The following PLEKHG3 variants were observed in gnomAD, a reference collection of about 807,000 sequenced individuals.
PLEKHG3 encodes the protein pleckstrin homology domain-containing family G member 3.
Under a neutral mutation model 94.9 loss-of-function variants are expected in PLEKHG3, and 62 were observed. The observed-to-expected ratio is 0.65, with a 90% CI of 0.53 to 0.81. PLEKHG3 has a LOEUF of 0.81. Ranked by LOEUF, PLEKHG3 falls within the 30% of genes least tolerant of loss-of-function variation. The pLI is 0.00. For missense variants in PLEKHG3, 1,461 were observed against 1,619.3 expected (o/e 0.90, Z 1.68); for synonymous variants, 614 against 654.0 (o/e 0.94, Z 0.93).
In PLEKHG3 at chr14:64,749,826, A is replaced by G. The variant is rs2081916409; in HGVS notation, c.*6123A>G. ...CTCTCAGGCAGCCCAGCACTTTCTG[A>G]GAGGTCAAAGTCTGGACCATCAGCC... On this transcript the variant is annotated 3_prime_UTR_variant, in exon 17 of 17. Coordinates refer to ENST00000247226, the MANE Select transcript of PLEKHG3 (RefSeq NM_001308147.2). This position sits in a 1 kb window ranked among gnomAD's most constrained non-coding sequence, Gnocchi z 4.7. The G allele has an allele frequency of 1.3e-6, 2 of 1,483,216 alleles. No individual in the cohort carries two copies. Among genetic ancestry groups the G allele is most frequent in the Non-Finnish European group, 1.9e-6 (2 of 1,075,244 alleles). 91.9% of individuals were successfully genotyped at this position (1,483,216 alleles called of 1,614,324 possible).
chr14:64,727,509 T>TGCCCCCCCCCCA lies in PLEKHG3; in HGVS notation c.-39-78_-39-77insCCCCCAGCCCCC. 3.0e-6 allele frequency: 1 copy of TGCCCCCCCCCCA among 336,210 alleles called. No individual in the cohort carries two copies. The highest frequency in any genetic ancestry group is 4.2e-5 in the Admixed American group (1 of 23,910). The allele number at this position is 336,210 out of a possible 1,614,324, so 20.8% of individuals were successfully genotyped here. On this transcript the variant is annotated intron_variant, in intron 1 of 16. Coordinates refer to ENST00000247226, the MANE Select transcript of PLEKHG3 (RefSeq NM_001308147.2). The surrounding 1 kb of genome is among the most constrained non-coding windows in gnomAD (Gnocchi z 6.0). Reference sequence around the variant, plus strand: ...CTAAATAATACCTTCCCACCCCACCTGCCCCCACCCCTGGCAACCGTCCCT... The same window carrying TGCCCCCCCCCCA: ...CTAAATAATACCTTCCCACCCCACCTGCCCCCCCCCCAGCCCCCACCCCTGGCAACCGTCCCT...
At chr14:64,740,170 AG>A (rs1224935272) in intron 15 of PLEKHG3, among the ~76,000 whole-genome samples, 1 of 152,210 alleles carries the variant, frequency 6.6e-6, no homozygotes, top group Admixed American at 6.5e-5. Context: ...TCGGGTGCTC[AG>A]AAAGCCACAG....
chr14:64,747,118 C>T lies in PLEKHG3; in HGVS notation c.*3415C>T, dbSNP rs756251916. The T allele has an allele frequency of 2.0e-5, 3 of 152,556 alleles. No homozygotes were observed. The highest frequency in any genetic ancestry group is 4.8e-5 in the African/African-American group (2 of 41,446). The allele number at this position is 152,556 out of a possible 1,614,324, so 9.5% of individuals were successfully genotyped here. A position where few individuals can be genotyped will look rare whatever the true frequency, so the allele number is the denominator to read the frequency against. The stretch of plus-strand genomic sequence containing the variant: ...CTGGGGTGGTGAGATGCTAGCTCTT[C>T]CACTAGAGCCCTTCCTTTCTCGGGT... On this transcript the variant is annotated 3_prime_UTR_variant, in exon 17 of 17. Transcript: ENST00000247226.
At chr14:64,709,314 G>A (rs2081029882) in intron 1 of PLEKHG3, among the ~76,000 whole-genome samples, 2 of 152,194 alleles carry the variant, frequency 1.3e-5, no homozygotes, top group Admixed American at 1.3e-4. Context: ...TGTTAGGGTC[G>A]AGTCCAGCCC....
At position 64,727,867 on chromosome 14, in the gene PLEKHG3, A is replaced by G. The variant is rs1475566187; in HGVS notation, c.236A>G (p.Asn79Ser). Residue 79 changes from asparagine (N) to serine (S), a missense_variant, in exon 2 of 17, where the codon AAC becomes AGC. Physicochemically the swap from Asn to Ser is conservative, Grantham distance 46 (BLOSUM62 1). This residue lies in a region of PLEKHG3 where 253 missense variants were observed against 297.8 expected (regional missense o/e 0.85). Transcript: ENST00000247226. The surrounding 1 kb of genome is among the most constrained non-coding windows in gnomAD (Gnocchi z 6.0). ...LNVKGPLSPF[N>S]SRAAAGPAHH... ...GTGAAGGGGCCCCTCTCCCCGTTCA[A>G]CAGCCGGGCAGCGGCAGGGCCTGCA... 3.7e-6 allele frequency: 6 copies of G among 1,613,364 alleles called. No homozygotes were observed. The highest frequency in any genetic ancestry group is 5.1e-6 in the Non-Finnish European group (6 of 1,179,564).
rs77740829 is a variant in PLEKHG3, at chr14:64,750,243, C to T, written c.*6540C>T. ...ATAGCTTCACCATTAAAAAAAATTA[C>T]ACCATGTTTGTTCTGATACATAGTA... On this transcript the variant is annotated 3_prime_UTR_variant, in exon 17 of 17. Transcript: ENST00000247226. The T allele has an allele frequency of 5.9e-5, 80 of 1,358,650 alleles. No homozygotes were observed. The highest frequency in any genetic ancestry group is 7.7e-5 in the Non-Finnish European group (77 of 994,730). The allele number at this position is 1,358,650 out of a possible 1,614,324, so 84.2% of individuals were successfully genotyped here.
rs2081284656 is a variant in PLEKHG3 at position 64,722,746 on chromosome 14, A to G, written c.-39-4847A>G. On this transcript the variant is annotated intron_variant, in intron 1 of 16. Transcript: ENST00000247226. The surrounding 1 kb of genome is among the most constrained non-coding windows in gnomAD (Gnocchi z 4.3). The stretch of plus-strand genomic sequence containing the variant: ...TTCTGGGGAGTCTGGTGTGCCCACC[A>G]GAGGGTTCACCCCCAAGTGTCCTCT... 6.6e-6 allele frequency among the ~76,000 whole-genome samples: 1 copy of G among 152,182 alleles called. No individual in the cohort carries two copies.
chr14:64,711,499 C>A (rs1265529093), intron 1 of PLEKHG3, among the ~76,000 whole-genome samples: 2 of 151,898 alleles, frequency 1.3e-5, no homozygotes, highest in African/African-American at 4.8e-5. Flanking sequence ...CTGCAAGCTC[C>A]GTCTCCCGTG....
In PLEKHG3 at chr14:64,716,494, ACAACAC is replaced by A. The variant is rs2081159812; in HGVS notation, c.-39-11098_-39-11093del. On this transcript the variant is annotated intron_variant, in intron 1 of 16. Transcript: ENST00000247226. The surrounding 1 kb of genome is among the most constrained non-coding windows in gnomAD (Gnocchi z 5.0). ...ACACACACACACAACACACACACAC[ACAACAC>A]ACACACACACACACACACACACACA... Among the ~76,000 whole-genome samples, 6 of 83,256 alleles carry A rather than the reference ACAACAC, an allele frequency of 7.2e-5. No individual in the cohort carries two copies. In the South Asian group the frequency reaches 1.8e-3, roughly 24 times the overall value. The allele number at this position is 83,256 out of a possible 152,430, so 54.6% of individuals were successfully genotyped here.
At position 64,743,629 on chromosome 14, in the gene PLEKHG3, C is replaced by T. The variant is rs749328015; in HGVS notation, c.3586C>T (p.Pro1196Ser). 9.9e-6 allele frequency: 16 copies of T among 1,611,826 alleles called. No homozygotes were observed. In the Admixed American group the frequency reaches 1.3e-4, roughly 13 times the overall value. Residue 1196 changes from proline to serine, a missense_variant, in exon 17 of 17, where the codon CCG (proline) becomes TCG (serine). This residue lies in a region of PLEKHG3 where 1,201 missense variants were observed against 1,295.5 expected (regional missense o/e 0.93). Coordinates refer to ENST00000247226, the MANE Select transcript of PLEKHG3 (RefSeq NM_001308147.2). The surrounding 1 kb of genome is among the most constrained non-coding windows in gnomAD (Gnocchi z 7.2). The stretch of plus-strand genomic sequence containing the variant: ...GCCGAAGGAAGAGGGTTCCAGGGAC[C>T]CGGCAGACCCGAGCCAGCAGGGCAG... ...CQPKEEGSRD[P>S]ADPSQQGRVR... is the part of the protein sequence containing the mutation.
At chr14:64,710,627 C>T (rs768728392) in intron 1 of PLEKHG3, among the ~76,000 whole-genome samples, 7 of 151,994 alleles carry the variant, frequency 4.6e-5, no homozygotes, top group African/African-American at 1.4e-4. Context: ...GCCGAGATTG[C>T]GCCATTGCAC....
At position 64,732,908 on chromosome 14, in the gene PLEKHG3, GA is replaced by G; in HGVS notation, c.1345+9del. 6.4e-7 allele frequency: 1 copy of G among 1,574,358 alleles called. No individual in the cohort carries two copies. The highest frequency in any genetic ancestry group is 1.7e-5 in the Admixed American group (1 of 57,164). ...CAGGGGCGCCGGCAATCTGGTAAGA[GA>G]AGGGCTGTGGAGGCAGGAGGCCTCT... On this transcript the variant is annotated splice_region_variant and intron_variant, in intron 12 of 16. Transcript: ENST00000247226. The surrounding 1 kb of genome is among the most constrained non-coding windows in gnomAD (Gnocchi z 4.9).
Position 64,742,300 on chromosome 14 carries a change from A to G in PLEKHG3, c.2783A>G (p.Gln928Arg), listed in dbSNP as rs2081717711. ...VSERVKNKVYQLARQYSLRIK... is the reference protein window; with the variant it reads ...VSERVKNKVYRLARQYSLRIK... ...GAGCGCGTCAAGAACAAGGTCTACC[A>G]GCTGGCCCGCCAGTACAGCCTCCGG... Residue 928 changes from glutamine (Q) to arginine (R), a missense_variant, in exon 16 of 17, where the codon CAG becomes CGG. Transcript: ENST00000247226. The G allele has an allele frequency of 1.2e-6, 2 of 1,612,694 alleles. No homozygotes were observed. Among genetic ancestry groups the G allele is most frequent in the African/African-American group, 2.7e-5 (2 of 74,944 alleles).
intron 1 of PLEKHG3, among the ~76,000 whole-genome samples, chr14:64,706,250 G>C (rs1349509616): frequency 6.6e-6 from 1 of 151,968 alleles, no homozygotes; most frequent in Non-Finnish European, 1.5e-5. Flanking sequence ...CACTTGGGCT[G>C]GGGGGCCCCT....
Position 64,749,939 on chromosome 14 carries a change from C to T in PLEKHG3, c.*6236C>T, listed in dbSNP as rs1459742942. 1.2e-6 allele frequency: 2 copies of T among 1,613,858 alleles called. No individual in the cohort carries two copies. Among genetic ancestry groups the T allele is most frequent in the Non-Finnish European group, 1.7e-6 (2 of 1,179,800 alleles). On this transcript the variant is annotated 3_prime_UTR_variant, in exon 17 of 17. Coordinates refer to ENST00000247226, the MANE Select transcript of PLEKHG3 (RefSeq NM_001308147.2). This position sits in a 1 kb window ranked among gnomAD's most constrained non-coding sequence, Gnocchi z 4.7. ...CTCTGCCCTGCCACTAATGCCAAAT[C>T]AAGCCATCAACCCGAGCTTTCAAAG...
At chr14:64,705,159 C>T (rs1218880867) in intron 1 of PLEKHG3, among the ~76,000 whole-genome samples, 4 of 152,158 alleles carry the variant, frequency 2.6e-5, no homozygotes, top group African/African-American at 7.2e-5. Flanking sequence ...TGGCGCCGCA[C>T]GGTGCTCGCT....
chr14:64,739,092 G>C lies in PLEKHG3; in HGVS notation c.1518+237G>C, dbSNP rs1431591105. ...AAAGGCTCCCCTTTGGGCAGATGCAGTCCCATGTCAAGGGCACGCAGCTAG... is the reference window on the plus strand; with the variant it reads ...AAAGGCTCCCCTTTGGGCAGATGCACTCCCATGTCAAGGGCACGCAGCTAG... On this transcript the variant is annotated intron_variant, in intron 15 of 16. Coordinates refer to ENST00000247226, the MANE Select transcript of PLEKHG3 (RefSeq NM_001308147.2). This position sits in a 1 kb window ranked among gnomAD's most constrained non-coding sequence, Gnocchi z 4.1. Among the ~76,000 whole-genome samples, 1 of 152,186 alleles carries C rather than the reference G, an allele frequency of 6.6e-6. No individual in the cohort carries two copies. The highest frequency in any genetic ancestry group is 1.5e-5 in the Non-Finnish European group (1 of 68,026).
Position 64,749,957 on chromosome 14 carries a change from T to C in PLEKHG3, c.*6254T>C, listed in dbSNP as rs1454843754. ...GCCAAATCAAGCCATCAACCCGAGC[T>C]TTCAAAGGCCAGGAAGGCCTCACCT... On this transcript the variant is annotated 3_prime_UTR_variant, in exon 17 of 17. Coordinates refer to ENST00000247226, the MANE Select transcript of PLEKHG3 (RefSeq NM_001308147.2). This position sits in a 1 kb window ranked among gnomAD's most constrained non-coding sequence, Gnocchi z 4.7. 1 of 1,614,178 alleles carries C rather than the reference T, an allele frequency of 6.2e-7. No homozygotes were observed. Among genetic ancestry groups the C allele is most frequent in the Admixed American group, 1.7e-5 (1 of 60,020 alleles).
chr14:64,727,517 CCCCTGGCAACCGT>C lies in PLEKHG3; in HGVS notation c.-39-71_-39-59del. 1 of 526,648 alleles carries C rather than the reference CCCCTGGCAACCGT, an allele frequency of 1.9e-6. No homozygotes were observed. Among genetic ancestry groups the C allele is most frequent in the Non-Finnish European group, 3.5e-6 (1 of 284,296 alleles). The allele number at this position is 526,648 out of a possible 1,614,324, so 32.6% of individuals were successfully genotyped here. A position where few individuals can be genotyped will look rare whatever the true frequency, so the allele number is the denominator to read the frequency against. ...TACCTTCCCACCCCACCTGCCCCCA[CCCCTGGCAACCGT>C]CCCTCTGTTCTGTTTCTGTGGGCAT... On this transcript the variant is annotated intron_variant, in intron 1 of 16. Coordinates refer to ENST00000247226, the MANE Select transcript of PLEKHG3 (RefSeq NM_001308147.2). The surrounding 1 kb of genome is among the most constrained non-coding windows in gnomAD (Gnocchi z 6.0).
Sources: gnomAD v4.1 joint callset for allele counts (sites outside exome capture counted in the v4.1 genomes callset) on GRCh38, gnomAD v4.1.1 for gene constraint, gnomAD v4.1.1 regional missense constraint, Gnocchi (gnomAD v3.1) non-coding constraint, MANE v1.5 for transcripts, NCBI Gene and HGNC (gene_info 2026-07-23, HGNC 2026-07-21) for gene names.